The following CRHR1 variants were observed in gnomAD, a reference collection of about 807,000 sequenced individuals.
The protein encoded by CRHR1 is corticotropin releasing hormone receptor 1.
CRHR1 carries 28 observed loss-of-function variants against 56.0 expected under a neutral mutation model. That is an observed-to-expected ratio of 0.50 (90% CI 0.37 to 0.69). CRHR1 has a LOEUF of 0.69. Among genes scored for constraint, CRHR1 ranks in the 30% least tolerant of loss-of-function variants. The pLI, the probability that CRHR1 is intolerant of heterozygous loss-of-function variation, is 0.00. For missense variants in CRHR1, 376 were observed against 548.0 expected (o/e 0.69, Z 3.13); for synonymous variants, 195 against 216.5 (o/e 0.90, Z 0.87).
At chr17:45,795,176 G>A (rs1049732115) in intron 1 of CRHR1, among the ~76,000 whole-genome samples, 2 of 152,188 alleles carry the variant, frequency 1.3e-5, no homozygotes, top group Non-Finnish European at 2.9e-5. Flanking sequence ...AGGCCAGGAG[G>A]TGGGAGACTG....
chr17:45,818,135 G>C (rs4564621), intron 3 of CRHR1, among the ~76,000 whole-genome samples: 21,805 of 152,124 alleles, frequency 0.14, 2,133 homozygotes, highest in Middle Eastern at 0.22. Context: ...TCGTGTCTGG[G>C]CCTACCTGCC....
chr17:45,816,791 C>T (rs2061938509), intron 3 of CRHR1, among the ~76,000 whole-genome samples: 1 of 152,226 alleles, frequency 6.6e-6, no homozygotes, highest in South Asian at 2.1e-4. Context: ...AAGACACTAT[C>T]ACGCCTCCTA....
At chr17:45,823,088 G>A (rs1031895514) in intron 4 of CRHR1, among the ~76,000 whole-genome samples, 2 of 150,384 alleles carry the variant, frequency 1.3e-5, no homozygotes, top group Non-Finnish European at 1.5e-5. Context: ...AGGTTGCAGT[G>A]AGCCCAGATC....
At chr17:45,805,323 G>T (rs1181768753) in intron 1 of CRHR1, among the ~76,000 whole-genome samples, 1 of 151,928 alleles carries the variant, frequency 6.6e-6, no homozygotes, top group Non-Finnish European at 1.5e-5. Flanking sequence ...CTTCACTTTT[G>T]CACTCACCAC....
In CRHR1 at chr17:45,829,274, C is replaced by T. The variant is rs752913275; in HGVS notation, c.387C>T (p.Ile129=). 6.2e-7 allele frequency: 1 copy of T among 1,614,142 alleles called. No individual in the cohort carries two copies. Among genetic ancestry groups the T allele is most frequent in the East Asian group, 2.2e-5 (1 of 44,878 alleles). The change falls in exon 5 of 13, where the codon ATC becomes ATT. Residue 129 remains isoleucine (I), a synonymous_variant. Transcript: ENST00000314537. ...AVIINYLGHC[I]SLVALLVAFV... ...TCATCAACTACCTGGGCCACTGTAT[C>T]TCCCTGGTGGCCCTCCTGGTGGCCT...
intron 1 of CRHR1, among the ~76,000 whole-genome samples, chr17:45,787,838 G>A (rs771017129): frequency 2.0e-4 from 30 of 152,232 alleles, no homozygotes; most frequent in South Asian, 6.2e-4. Flanking sequence ...CATGAGGAAC[G>A]CGAAACAGTG....
chr17:45,829,119 A>G (rs1238347907), intron 4 of CRHR1, 96 bp from the exon 5 acceptor site: 1 of 929,562 alleles, frequency 1.1e-6, no homozygotes, highest in African/African-American at 1.6e-5. Flanking sequence ...CCTTGAGATC[A>G]TGACCCGCTC....
At position 45,807,745 on chromosome 17, in the gene CRHR1, A is replaced by G. The variant is rs143101363; in HGVS notation, c.121+648A>G. The stretch of plus-strand genomic sequence containing the variant: ...AAAAGACAGCATAGCTGCAAATATT[A>G]TTAATATCTGTGTCACTTTACCATT... On this transcript the variant is annotated intron_variant, in intron 2 of 12. Coordinates refer to ENST00000314537, the MANE Select transcript of CRHR1 (RefSeq NM_004382.5). Among the ~76,000 whole-genome samples, 858 of 152,338 alleles carry G rather than the reference A, an allele frequency of 5.6e-3. 4 individuals are homozygous for G. Among genetic ancestry groups the G allele is most frequent in the Middle Eastern group, 0.014 (4 of 294 alleles).
chr17:45,823,403 CTT>C (rs71138512), intron 4 of CRHR1, among the ~76,000 whole-genome samples: 50 of 100,594 alleles, frequency 5.0e-4, no homozygotes, highest in Non-Finnish European at 7.8e-4. Context: ...GGGACATTCC[CTT>C]TTTTTTTTTT....
At chr17:45,822,430 C>T (rs369535654) in intron 4 of CRHR1, among the ~76,000 whole-genome samples, 5 of 152,158 alleles carry the variant, frequency 3.3e-5, no homozygotes, top group Admixed American at 1.3e-4. Flanking sequence ...CTGAGGAAGA[C>T]GGGGGTCAAA....
At chr17:45,806,955 A>G in intron 1 of CRHR1, 55 bp from the exon 2 acceptor site, 1 of 1,520,466 alleles carries the variant, frequency 6.6e-7, no homozygotes, top group Non-Finnish European at 9.1e-7. Flanking sequence ...ATGGAGCAAC[A>G]TGCTCATGGC....
At chr17:45,830,791 C>G in intron 7 of CRHR1, 89 bp from the exon 8 acceptor site, 1 of 1,374,474 alleles carries the variant, frequency 7.3e-7, no homozygotes, top group South Asian at 1.3e-5. Flanking sequence ...AACCCCAGAC[C>G]CCCTGGAGCC....
At chr17:45,799,516 C>T (rs1046626573) in intron 1 of CRHR1, 1 of 152,240 alleles carries the variant, frequency 6.6e-6, no homozygotes, top group African/African-American at 2.4e-5. Context: ...CACCTGAACA[C>T]AGTGCAAAGC....
chr17:45,813,159 G>A (rs909732252), intron 2 of CRHR1, among the ~76,000 whole-genome samples: 4 of 152,196 alleles, frequency 2.6e-5, no homozygotes, highest in East Asian at 1.9e-4. Flanking sequence ...GTCCCAGGCC[G>A]GGAAGTCCAG....
intron 4 of CRHR1, chr17:45,827,259 C>G (rs1178773539): frequency 1.3e-5 from 2 of 152,328 alleles, no homozygotes; most frequent in Non-Finnish European, 1.5e-5. Context: ...CGGCCTGACT[C>G]GGGAGTGAGG....
intron 1 of CRHR1, among the ~76,000 whole-genome samples, chr17:45,789,885 A>G (rs1032188899): frequency 2.0e-5 from 3 of 152,252 alleles, no homozygotes; most frequent in African/African-American, 4.8e-5. Context: ...GCTTTATGGC[A>G]TAATCATAAT....
chr17:45,807,252 C>T (rs904063405), intron 2 of CRHR1, among the ~76,000 whole-genome samples, 155 bp downstream of exon 2: 5 of 152,220 alleles, frequency 3.3e-5, no homozygotes, highest in South Asian at 2.1e-4. Flanking sequence ...ACATCTCCAC[C>T]GAGCACCGTG....
chr17:45,795,977 G>A (rs2061509545), intron 1 of CRHR1, among the ~76,000 whole-genome samples: 2 of 152,164 alleles, frequency 1.3e-5, no homozygotes, highest in African/African-American at 4.8e-5. Context: ...CAGCCCCAAA[G>A]CCTTTAGCAT....
intron 1 of CRHR1, among the ~76,000 whole-genome samples, chr17:45,797,217 CAG>C (rs1364898241): frequency 6.6e-6 from 1 of 151,008 alleles, no homozygotes; most frequent in Non-Finnish European, 1.5e-5. Context: ...AGTTGAGTAA[CAG>C]AGTGGTGACC....
Sources: allele counts gnomAD v4.1 joint callset (sites outside exome capture counted in the v4.1 genomes callset), GRCh38; gene constraint gnomAD v4.1.1; transcripts MANE v1.5; gene names NCBI Gene and HGNC (gene_info 2026-07-23, HGNC 2026-07-21).